CAPN7: variants seen among roughly 807,000 people sequenced by gnomAD.
CAPN7 encodes the protein calpain-7.
CAPN7 carries 72 observed loss-of-function variants against 115.2 expected under a neutral mutation model. The observed-to-expected ratio is 0.63, with a 90% CI of 0.52 to 0.76. CAPN7 has a LOEUF of 0.76. Ranked by LOEUF, CAPN7 falls within the 30% of genes least tolerant of loss-of-function variation. The probability of loss-of-function intolerance (pLI) is 0.00; values close to 1 mark genes in which losing one functional copy is unlikely to be tolerated. For missense variants in CAPN7, 905 were observed against 971.5 expected (o/e 0.93, Z 0.91); for synonymous variants, 344 against 322.3 (o/e 1.07, Z -0.72).
chr3:15,232,508 T>A lies in CAPN7; in HGVS notation c.1033-11T>A. ...TGTGCACCTAAGAAGGTTAATGTTC[T>A]CTTTCTCCAGGTGATAATTGATGAC... On this transcript the variant is annotated splice_polypyrimidine_tract_variant and intron_variant, in intron 9 of 20. Transcript: ENST00000253693. 1 of 1,592,218 alleles carries A rather than the reference T, an allele frequency of 6.3e-7. No individual in the cohort carries two copies. The highest frequency in any genetic ancestry group is 8.5e-7 in the Non-Finnish European group (1 of 1,172,346).
At chr3:15,210,101 A>G (rs962867401) in intron 1 of CAPN7, among the ~76,000 whole-genome samples, 3 of 152,032 alleles carry the variant, frequency 2.0e-5, no homozygotes, top group African/African-American at 7.2e-5. Flanking sequence ...CCTGGGCTAA[A>G]ACAATCTTCC....
intron 1 of CAPN7, among the ~76,000 whole-genome samples, chr3:15,210,021 G>C (rs2044842288): frequency 6.6e-6 from 1 of 152,086 alleles, no homozygotes; most frequent in Non-Finnish European, 1.5e-5. Flanking sequence ...ATTTTTCAGA[G>C]ACAGGGTCTC....
intron 19 of CAPN7, among the ~76,000 whole-genome samples, chr3:15,249,374 A>G (rs1695867436): frequency 6.6e-6 from 1 of 152,100 alleles, no homozygotes; most frequent in African/African-American, 2.4e-5. Context: ...TCCTTCACAT[A>G]TTTGTGGATA....
intron 3 of CAPN7, among the ~76,000 whole-genome samples, chr3:15,218,122 A>G (rs756210316): frequency 3.3e-5 from 5 of 152,174 alleles, no homozygotes; most frequent in African/African-American, 9.7e-5. Context: ...GCTTTTTGGC[A>G]GAGACTTTTG....
chr3:15,243,236 G>A (rs1439366580), intron 16 of CAPN7, among the ~76,000 whole-genome samples: 1 of 152,224 alleles, frequency 6.6e-6, no homozygotes, highest in Non-Finnish European at 1.5e-5. Context: ...GCCTGGGTAG[G>A]TGTGGTATCA....
chr3:15,246,467 C>T, intron 17 of CAPN7: 1 of 400,352 alleles, frequency 2.5e-6, no homozygotes, highest in Non-Finnish European at 4.5e-6. Flanking sequence ...TTGGGAGCTG[C>T]TGCCACCCAT....
Position 15,237,622 on chromosome 3 carries a change from C to T in CAPN7, c.1407+2477C>T, listed in dbSNP as rs572765154. Reference sequence around the variant, plus strand: ...TATAAAAATTATGTGAAATTAAGTACGCCAATAAGTTTGGGGTTTTTTAAA... The same window carrying T: ...TATAAAAATTATGTGAAATTAAGTATGCCAATAAGTTTGGGGTTTTTTAAA... On this transcript the variant is annotated intron_variant, in intron 12 of 20. Coordinates refer to ENST00000253693, the MANE Select transcript of CAPN7 (RefSeq NM_014296.3). Among the ~76,000 whole-genome samples the T allele has an allele frequency of 1.8e-4, 28 of 152,074 alleles. 1 individual carries two copies. The highest frequency in any genetic ancestry group is 4.1e-4 in the South Asian group (2 of 4,824).
intron 1 of CAPN7, among the ~76,000 whole-genome samples, chr3:15,208,793 C>A (rs185187495): frequency 6.6e-6 from 1 of 152,288 alleles, no homozygotes; most frequent in African/African-American, 2.4e-5. Flanking sequence ...GGTCCACTCT[C>A]TTCTCTCCAA....
chr3:15,229,127 C>A, intron 8 of CAPN7, 68 bp downstream of exon 8: 1 of 1,135,360 alleles, frequency 8.8e-7, no homozygotes. Flanking sequence ...AAAACTTAAG[C>A]CTTATCTGTA....
intron 16 of CAPN7, among the ~76,000 whole-genome samples, chr3:15,244,335 A>G (rs910937469): frequency 2.1e-4 from 32 of 152,306 alleles, no homozygotes; most frequent in African/African-American, 7.2e-4. Flanking sequence ...TTTTAAAACA[A>G]TGCTCCATCT....
At chr3:15,223,336 A>G in intron 5 of CAPN7, 139 bp from the exon 6 acceptor site, 1 of 616,808 alleles carries the variant, frequency 1.6e-6, no homozygotes, top group East Asian at 2.9e-5. Context: ...ATATTGTCCA[A>G]AGATATATCA....
intron 14 of CAPN7, 101 bp from the exon 15 acceptor site, chr3:15,241,352 A>G: frequency 7.9e-7 from 1 of 1,263,094 alleles, no homozygotes; most frequent in Non-Finnish European, 1.1e-6. Context: ...GTAAAACAAA[A>G]CCAAAAACTT....
chr3:15,221,346 ATTTTTT>A (rs772108590), intron 5 of CAPN7, among the ~76,000 whole-genome samples: 1 of 104,332 alleles, frequency 9.6e-6, no homozygotes, highest in Non-Finnish European at 1.9e-5. Flanking sequence ...CATCTGACTA[ATTTTTT>A]TTTTTTTTTT....
intron 4 of CAPN7, among the ~76,000 whole-genome samples, chr3:15,218,830 AAG>A (rs1421604308): frequency 6.6e-6 from 1 of 152,240 alleles, no homozygotes; most frequent in Non-Finnish European, 1.5e-5. Flanking sequence ...CAGACTTTCA[AAG>A]AGAACTTCCA....
intron 15 of CAPN7, 86 bp downstream of exon 15, chr3:15,241,674 CTGTT>C (rs1695360254): frequency 8.7e-7 from 1 of 1,147,422 alleles, no homozygotes; most frequent in African/African-American, 1.5e-5. Flanking sequence ...AAACACCAGC[CTGTT>C]TAATTTACAT....
In CAPN7 at chr3:15,227,860, A is replaced by G. The variant is rs1694420705; in HGVS notation, c.747A>G (p.Pro249=). 1.3e-6 allele frequency: 2 copies of G among 1,548,360 alleles called. No homozygotes were observed. Among genetic ancestry groups the G allele is most frequent in the Non-Finnish European group, 1.7e-6 (2 of 1,145,562 alleles). Residue 249 remains proline (P), a synonymous_variant, in exon 7 of 21, where the codon CCA becomes CCG. Coordinates refer to ENST00000253693, the MANE Select transcript of CAPN7 (RefSeq NM_014296.3). The part of the protein sequence containing the change: ...MPFCDRWGKL[P]LSPKQKTTFS... ...TCAGTGATAGATGGGGCAAGCTACCATTATCACCTAAACAAAAAACTACAT... is the reference window on the plus strand; with the variant it reads ...TCAGTGATAGATGGGGCAAGCTACCGTTATCACCTAAACAAAAAACTACAT...
chr3:15,248,411 T>C (rs918114046), intron 19 of CAPN7, among the ~76,000 whole-genome samples: 2 of 152,186 alleles, frequency 1.3e-5, no homozygotes, highest in Non-Finnish European at 2.9e-5. Context: ...ATACATACCA[T>C]GTGATTCTAC....
chr3:15,220,413 C>A (rs1046051658), intron 4 of CAPN7, among the ~76,000 whole-genome samples: 1 of 152,172 alleles, frequency 6.6e-6, no homozygotes. Context: ...GTTGTACATT[C>A]ATTTGCATGT....
chr3:15,246,821 T>C, intron 18 of CAPN7, 27 bp downstream of exon 18: 1 of 1,488,124 alleles, frequency 6.7e-7, no homozygotes, highest in Non-Finnish European at 9.3e-7. Context: ...GGTTGTAATC[T>C]CAGCATTCTT....
Sources: allele counts gnomAD v4.1 joint callset (sites outside exome capture counted in the v4.1 genomes callset), GRCh38; gene constraint gnomAD v4.1.1; transcripts MANE v1.5; gene names NCBI Gene and HGNC (gene_info 2026-07-23, HGNC 2026-07-21).